The following ZNF624 variants were observed in gnomAD, a reference collection of about 807,000 sequenced individuals.
ZNF624 encodes zinc finger protein 624.
A neutral mutation model predicts 74.7 loss-of-function variants in ZNF624; 43 were observed. The observed-to-expected ratio is 0.58, with a 90% confidence interval of 0.45 to 0.74. ZNF624 has a LOEUF of 0.74. ZNF624 is among the 30% of genes least tolerant of loss of function. ZNF624 has a pLI of 0.00. For missense variants in ZNF624, 820 were observed against 1,030.0 expected (o/e 0.80, Z 2.79); for synonymous variants, 331 against 341.3 (o/e 0.97, Z 0.33).
chr17:16,624,015 G>C lies in ZNF624; in HGVS notation c.871C>G (p.Leu291Val). The C allele has an allele frequency of 6.2e-7, 1 of 1,613,620 alleles. No homozygotes were observed. The highest frequency in any genetic ancestry group is 2.2e-5 in the East Asian group (1 of 44,866). Residue 291 changes from leucine (L) to valine (V), a missense_variant, in exon 6 of 6, where the codon CTC (leucine) becomes GTC (valine). Physicochemically the swap from Leu to Val is conservative, Grantham distance 32. Transcript: ENST00000311331. ...GTATGAGTTCTTTGATGTTGAATGA[G>C]CAATGATCTATAATGAAAGGCCTTT... ...CEKAFHYRSLLIQHQRTHTKE... is the reference protein window; with the variant it reads ...CEKAFHYRSLVIQHQRTHTKE...
chr17:16,641,837 T>A (rs1909473928), intron 3 of ZNF624, among the ~76,000 whole-genome samples: 1 of 152,250 alleles, frequency 6.6e-6, no homozygotes, highest in Non-Finnish European at 1.5e-5. Context: ...TGTGTGTGTT[T>A]AAGTCAATTA....
chr17:16,624,270 C>G lies in ZNF624; in HGVS notation c.616G>C (p.Glu206Gln), dbSNP rs775897578. ...TPTSQRGFRF[E>Q]SILIPEPGIA... ...CCTGGTTCTGGAATAAGAATAGATT[C>G]AAATCTAAAGCCTCTTTGACTAGTG... The change falls in exon 6 of 6, where the codon GAA becomes CAA. Residue 206 changes from glutamate (E) to glutamine (Q), a missense_variant. Physicochemically the swap from Glu to Gln is conservative, Grantham distance 29. Transcript: ENST00000311331. 2 of 1,614,132 alleles carry G rather than the reference C, an allele frequency of 1.2e-6. No individual in the cohort carries two copies. The highest frequency in any genetic ancestry group is 2.2e-5 in the East Asian group (1 of 44,872).
At chr17:16,648,806 C>T (rs537767190) in intron 2 of ZNF624, among the ~76,000 whole-genome samples, 10 of 152,156 alleles carry the variant, frequency 6.6e-5, no homozygotes, top group Non-Finnish European at 1.5e-4. Flanking sequence ...AAAGATTCAT[C>T]TTAAATATCT....
At position 16,637,139 on chromosome 17, in the gene ZNF624, A is replaced by C. The variant is rs530927677; in HGVS notation, c.154-2383T>G. 5.9e-3 allele frequency among the ~76,000 whole-genome samples: 906 copies of C among 152,312 alleles called. 9 individuals are homozygous for C. Among genetic ancestry groups the C allele is most frequent in the African/African-American group, 0.021 (862 of 41,558 alleles). The stretch of plus-strand genomic sequence containing the variant: ...ATTCACAATTGTTTCAAAGAGAATA[A>C]AATACCTAGGAATCCAACTTACAAG... On this transcript the variant is annotated intron_variant, in intron 3 of 5. Transcript: ENST00000311331.
chr17:16,617,179 C>T (rs1306199932), downstream of ZNF624: 17 of 1,612,628 alleles, frequency 1.1e-5, no homozygotes, highest in South Asian at 1.6e-4. Flanking sequence ...TGATCGAGAA[C>T]GTGATCGACC....
downstream of ZNF624, chr17:16,616,969 A>G: frequency 6.3e-7 from 1 of 1,594,614 alleles, no homozygotes; most frequent in Non-Finnish European, 8.6e-7. Flanking sequence ...TGGACCAGGT[A>G]GCGGCGAATT....
intron 5 of ZNF624, among the ~76,000 whole-genome samples, 158 bp downstream of exon 5, chr17:16,633,704 T>C (rs2142603416): frequency 6.6e-6 from 1 of 151,958 alleles, no homozygotes; most frequent in East Asian, 1.9e-4. Flanking sequence ...AGAGAGAAGA[T>C]GGGGGTGAGA....
intron 3 of ZNF624, among the ~76,000 whole-genome samples, chr17:16,643,077 A>G (rs552772197): frequency 6.6e-6 from 1 of 152,358 alleles, no homozygotes; most frequent in South Asian, 2.1e-4. Flanking sequence ...TGCTGGTGGG[A>G]ATGTAATATG....
intron 5 of ZNF624, chr17:16,624,930 G>T: frequency 6.4e-6 from 1 of 155,182 alleles, no homozygotes; most frequent in Non-Finnish European, 1.3e-5. Flanking sequence ...CCAGTTATTT[G>T]TGAGGCTGAG....
chr17:16,646,747 A>AT (rs1407352199), intron 3 of ZNF624, among the ~76,000 whole-genome samples: 2 of 152,222 alleles, frequency 1.3e-5, no homozygotes, highest in Non-Finnish European at 2.9e-5. Context: ...CTAAATATTA[A>AT]TTAATAGTAA....
Position 16,633,886 on chromosome 17 carries a change from C to T in ZNF624, c.352G>A (p.Glu118Lys), listed in dbSNP as rs1909262742. The T allele has an allele frequency of 6.2e-7, 1 of 1,613,608 alleles. No individual in the cohort carries two copies. Among genetic ancestry groups the T allele is most frequent in the Non-Finnish European group, 8.5e-7 (1 of 1,179,658 alleles). The change falls in exon 5 of 6, where the codon GAA (glutamate) becomes AAA (lysine). Residue 118 changes from glutamate (E) to lysine (K), a missense_variant. Coordinates refer to ENST00000311331, the MANE Select transcript of ZNF624 (RefSeq NM_020787.4). ...NGKGPWVTVR[E>K]ISRIPYPDME... The stretch of plus-strand genomic sequence containing the variant: ...CCAGGATAGGGAATTCTTGAAATTT[C>T]TCTCACCGTCACCCATGGTCCTTTC...
intron 1 of ZNF624, 39 bp from the exon 2 acceptor site, chr17:16,649,785 T>A: frequency 6.4e-7 from 1 of 1,557,826 alleles, no homozygotes; most frequent in East Asian, 2.2e-5. Context: ...CAATCCTGCC[T>A]GGGGAATTTC....
chr17:16,640,026 T>C (rs1909429644), intron 3 of ZNF624, among the ~76,000 whole-genome samples: 1 of 152,230 alleles, frequency 6.6e-6, no homozygotes, highest in African/African-American at 2.4e-5. Context: ...ATTATAAATA[T>C]GTTCAAAGAC....
At chr17:16,628,984 A>C (rs1909139560) in intron 5 of ZNF624, among the ~76,000 whole-genome samples, 1 of 152,018 alleles carries the variant, frequency 6.6e-6, no homozygotes, top group Non-Finnish European at 1.5e-5. Flanking sequence ...AGATCCCCTG[A>C]GGTCAGAGTT....
Position 16,622,985 on chromosome 17 carries a change from T to G in ZNF624, c.1901A>C (p.His634Pro). ...ACATTTATAGGGTTTCACTCCAGTA[T>G]GAATTTTCTGATGCTCCTTGAGATT... ...MVNLKEHQKIHTGVKPYKCYD... is the reference protein window; with the variant it reads ...MVNLKEHQKIPTGVKPYKCYD... Residue 634 changes from histidine (H) to proline (P), a missense_variant, in exon 6 of 6, where the codon CAT (histidine) becomes CCT (proline). Physicochemically the swap from His to Pro is moderately conservative, Grantham distance 77. Coordinates refer to ENST00000311331, the MANE Select transcript of ZNF624 (RefSeq NM_020787.4). 1 of 1,614,016 alleles carries G rather than the reference T, an allele frequency of 6.2e-7. No homozygotes were observed. The highest frequency in any genetic ancestry group is 8.5e-7 in the Non-Finnish European group (1 of 1,179,956).
chr17:16,624,536 T>C, intron 5 of ZNF624, 27 bp from the exon 6 acceptor site: 1 of 1,532,764 alleles, frequency 6.5e-7, no homozygotes, highest in Non-Finnish European at 8.7e-7. Context: ...AAAAATCAAG[T>C]AATTCCTTTC....
intron 3 of ZNF624, among the ~76,000 whole-genome samples, chr17:16,643,383 C>T (rs896020270): frequency 6.6e-6 from 1 of 152,160 alleles, no homozygotes; most frequent in African/African-American, 2.4e-5. Context: ...CTACAACACA[C>T]ATAAACCTTG....
At chr17:16,644,996 C>T (rs947595536) in intron 3 of ZNF624, among the ~76,000 whole-genome samples, 2 of 152,186 alleles carry the variant, frequency 1.3e-5, no homozygotes, top group Admixed American at 6.5e-5. Context: ...TTACATTTAA[C>T]TTTGTATTTT....
intron 5 of ZNF624, among the ~76,000 whole-genome samples, chr17:16,632,315 C>T (rs1043854279): frequency 3.3e-5 from 5 of 152,182 alleles, no homozygotes; most frequent in East Asian, 1.9e-4. Context: ...TTTAGTCCTT[C>T]GTCTTTGTCT....
Sources: allele counts gnomAD v4.1 joint callset (sites outside exome capture counted in the v4.1 genomes callset), GRCh38; gene constraint gnomAD v4.1.1; transcripts MANE v1.5; gene names NCBI Gene and HGNC (gene_info 2026-07-23, HGNC 2026-07-21).